Variants in ARHGAP11A observed in about 807,000 individuals in gnomAD.
ARHGAP11A encodes the protein rho GTPase-activating protein 11A.
ARHGAP11A carries 36 observed loss-of-function variants against 60.5 expected under a neutral mutation model. The observed-to-expected ratio is 0.59, with a 90% CI of 0.46 to 0.79. The LOEUF (loss-of-function observed/expected upper bound fraction) is 0.79, where lower values mean the gene tolerates loss of function less well. Among genes scored for constraint, ARHGAP11A ranks in the 30% least tolerant of loss-of-function variants. The pLI, the probability that ARHGAP11A is intolerant of heterozygous loss-of-function variation, is 0.00. For synonymous variants in ARHGAP11A, 362 were observed against 415.5 expected, an observed-to-expected ratio of 0.87 and a Z score of 1.57; for missense variants, 1,071 against 1,199.2, an observed-to-expected ratio of 0.89 and a Z score of 1.58.
chr15:32,635,754 A>G (rs768194623), intron 10 of ARHGAP11A, 23 bp from the exon 11 acceptor site: 5 of 1,479,822 alleles, frequency 3.4e-6, no homozygotes, highest in Non-Finnish European at 4.5e-6. Flanking sequence ...TTTCTTAACT[A>G]AAACTTTTTT....
chr15:32,637,329 C>G lies in ARHGAP11A; in HGVS notation c.2556C>G (p.Ser852Arg). 3.7e-6 allele frequency: 6 copies of G among 1,614,192 alleles called. No individual in the cohort carries two copies. Among genetic ancestry groups the G allele is most frequent in the Non-Finnish European group, 5.1e-6 (6 of 1,180,022 alleles). The change falls in exon 12 of 12, where the codon AGC (serine) becomes AGG (arginine). Residue 852 changes from serine (S) to arginine (R), a missense_variant. Physicochemically the swap from Ser to Arg is moderately radical, Grantham distance 110. Around this residue, in one of 4 missense-constraint regions of ARHGAP11A, gnomAD observed 776 missense variants for 760.2 expected, o/e 1.02. Transcript: ENST00000361627. ...GAATTAATTCTTTGTTGGAGTATAG[C>G]AGACAACCTACAGGGCATAAGTTGG... ...VRRINSLLEY[S>R]RQPTGHKLAS...
At chr15:32,623,861 C>A (rs1008363226) in intron 3 of ARHGAP11A, among the ~76,000 whole-genome samples, 1 of 151,914 alleles carries the variant, frequency 6.6e-6, no homozygotes, top group Non-Finnish European at 1.5e-5. Flanking sequence ...TTGTTGTTAG[C>A]CTTCTAGAAG....
chr15:32,624,219 G>A lies in ARHGAP11A; in HGVS notation c.344G>A (p.Cys115Tyr). The A allele has an allele frequency of 6.2e-7, 1 of 1,612,284 alleles. No homozygotes were observed. The highest frequency in any genetic ancestry group is 1.3e-5 in the African/African-American group (1 of 74,734). Residue 115 changes from cysteine to tyrosine, a missense_variant, in exon 4 of 12, where the codon TGT becomes TAT. Coordinates refer to ENST00000361627, the MANE Select transcript of ARHGAP11A (RefSeq NM_014783.6). ...GGTTGCCTATCTTCTGCACCTCCTT[G>A]TGATATTGCGGGACTTCTTAAGCAG... ...GEGCLSSAPP[C>Y]DIAGLLKQFF...
At position 32,638,235 on chromosome 15, in the gene ARHGAP11A, AG is replaced by A. The variant is rs2053770007; in HGVS notation, c.*391del. ...ACTACAGGTGCCCGCCACCACGCCC[AG>A]CTAATTTTTTGTATTTTTAGTAGAG... On this transcript the variant is annotated 3_prime_UTR_variant, in exon 12 of 12. Transcript: ENST00000361627. 6.2e-6 allele frequency: 1 copy of A among 161,948 alleles called. No individual in the cohort carries two copies. The highest frequency in any genetic ancestry group is 6.2e-5 in the Admixed American group (1 of 16,064). The allele number at this position is 161,948 out of a possible 1,614,324, so 10.0% of individuals were successfully genotyped here.
rs2053789291 is a variant in ARHGAP11A, at chr15:32,639,056, G to T, written c.*1211G>T. The T allele has an allele frequency of 6.5e-6, 1 of 152,678 alleles. No homozygotes were observed. Among genetic ancestry groups the T allele is most frequent in the South Asian group, 2.1e-4 (1 of 4,828 alleles). 9.5% of individuals were successfully genotyped at this position (152,678 alleles called of 1,614,324 possible). A position where few individuals can be genotyped will look rare whatever the true frequency, so the allele number is the denominator to read the frequency against. On this transcript the variant is annotated 3_prime_UTR_variant, in exon 12 of 12. Coordinates refer to ENST00000361627, the MANE Select transcript of ARHGAP11A (RefSeq NM_014783.6). ...CTCTCTGGAAAATGACTTGACTAAG[G>T]CTCTCATGAAATTCAAAGTGCCATT...
rs748219310 is a variant in ARHGAP11A at position 32,637,136 on chromosome 15, T to C, written c.2363T>C (p.Leu788Ser). 24 of 1,614,112 alleles carry C rather than the reference T, an allele frequency of 1.5e-5. No homozygotes were observed. Among genetic ancestry groups the C allele is most frequent in the South Asian group, 1.1e-5 (1 of 91,072 alleles). Reference protein sequence around the residue: ...RPMRIAKQQSLETCEKTVSES... With the variant: ...RPMRIAKQQSSETCEKTVSES... Reference sequence around the variant, plus strand: ...ATGAGAATTGCTAAACAGCAGTCATTGGAAACATGTGAGAAAACAGTTTCT... The same window carrying C: ...ATGAGAATTGCTAAACAGCAGTCATCGGAAACATGTGAGAAAACAGTTTCT... The change falls in exon 12 of 12, where the codon TTG (leucine) becomes TCG (serine). Residue 788 changes from leucine (L) to serine (S), a missense_variant. Around this residue, in one of 4 missense-constraint regions of ARHGAP11A, gnomAD observed 776 missense variants for 760.2 expected, o/e 1.02. Coordinates refer to ENST00000361627, the MANE Select transcript of ARHGAP11A (RefSeq NM_014783.6).
chr15:32,635,939 A>G lies in ARHGAP11A; in HGVS notation c.1483+24A>G, dbSNP rs774072580. 4 of 1,563,748 alleles carry G rather than the reference A, an allele frequency of 2.6e-6. No individual in the cohort carries two copies. In the East Asian group the frequency reaches 6.9e-5, roughly 27 times the overall value. On this transcript the variant is annotated intron_variant, in intron 11 of 11. Transcript: ENST00000361627. ...AGGTACATTTACATACTACTGTTAG[A>G]GTTTTACCTAAAAATCCTGCTTTAG...
intron 10 of ARHGAP11A, among the ~76,000 whole-genome samples, chr15:32,635,565 T>C (rs1245198106): frequency 6.6e-6 from 1 of 152,186 alleles, no homozygotes. Flanking sequence ...GTTTTAAAAA[T>C]AGATCATAAA....
rs143960378 is a variant in ARHGAP11A, at chr15:32,625,490, G to A, written c.719G>A (p.Arg240His). The A allele has an allele frequency of 7.3e-5, 118 of 1,613,890 alleles. No individual in the cohort carries two copies. Among genetic ancestry groups the A allele is most frequent in the African/African-American group, 7.2e-4 (54 of 75,030 alleles). The change falls in exon 6 of 12, where the codon CGT becomes CAT. Residue 240 changes from arginine to histidine, a missense_variant. Transcript: ENST00000361627. ...ACTTGTGAACATTTTCATTTAGGGC[G>A]TGTACCAGATTTTATCCTGGAAAAG... Reference protein sequence around the residue: ...TLIDYASDIGRVPDFILEKIP... With the variant: ...TLIDYASDIGHVPDFILEKIP...
At chr15:32,616,473 G>A (rs2053151258) in intron 1 of ARHGAP11A, 133 bp downstream of exon 1, 10 of 1,355,720 alleles carry the variant, frequency 7.4e-6, no homozygotes, top group African/African-American at 5.9e-5. Flanking sequence ...CAGTTCAGAT[G>A]GTCGATTGCT....
intron 1 of ARHGAP11A, among the ~76,000 whole-genome samples, chr15:32,618,484 C>T (rs1241223454): frequency 6.6e-6 from 1 of 152,130 alleles, no homozygotes; most frequent in African/African-American, 2.4e-5. Context: ...TTTTTGAATG[C>T]TTACTGTGTG....
Position 32,636,462 on chromosome 15 carries a change from A to T in ARHGAP11A, c.1689A>T (p.Ser563=), listed in dbSNP as rs373006108. Residue 563 remains serine, a synonymous_variant, in exon 12 of 12, where the codon TCA becomes TCT. Transcript: ENST00000361627. ...DIMVEKSPAT[S]CELTPSNLNN... ...TGGTAGAAAAGTCACCTGCTACTTC[A>T]TGTGAACTCACCCCTTCCAATTTAA... The T allele has an allele frequency of 6.2e-7, 1 of 1,613,826 alleles. No individual in the cohort carries two copies. The highest frequency in any genetic ancestry group is 1.3e-5 in the African/African-American group (1 of 74,906).
chr15:32,632,839 T>TTA (rs2053615361), intron 8 of ARHGAP11A, 140 bp from the exon 9 acceptor site: 1 of 800,278 alleles, frequency 1.2e-6, no homozygotes, highest in Non-Finnish European at 1.8e-6. Flanking sequence ...ACACTTGAAG[T>TTA]TTCTAACCAG....
intron 6 of ARHGAP11A, among the ~76,000 whole-genome samples, chr15:32,627,589 C>T (rs887438705): frequency 1.4e-4 from 22 of 151,806 alleles, no homozygotes; most frequent in Non-Finnish European, 2.8e-4. Context: ...ATTAGCTGGG[C>T]GTGGTGGCGG....
chr15:32,636,003 G>C, intron 11 of ARHGAP11A, 88 bp downstream of exon 11: 8 of 1,457,850 alleles, frequency 5.5e-6, no homozygotes, highest in Non-Finnish European at 6.3e-6. Flanking sequence ...TTAATTTACT[G>C]TTCTAGAGAT....
Position 32,632,989 on chromosome 15 carries a change from T to C in ARHGAP11A, c.1116T>C (p.Asp372=), listed in dbSNP as rs749143457. Reference sequence around the variant, plus strand: ...TGGTTATTTTTGTAGTTCACATCGATACAAGCTCAGAAGGGTCATCTCAGA... The same window carrying C: ...TGGTTATTTTTGTAGTTCACATCGACACAAGCTCAGAAGGGTCATCTCAGA... ...SSSTPVSVHI[D]TSSEGSSQSS... The change falls in exon 9 of 12, where the codon GAT becomes GAC. Residue 372 remains aspartate (D), a synonymous_variant. Transcript: ENST00000361627. The C allele has an allele frequency of 5.0e-6, 8 of 1,612,946 alleles. No homozygotes were observed. The South Asian group carries it at 8.8e-5, about 18-fold the overall frequency.
At chr15:32,621,962 A>C (rs1472446624) in intron 2 of ARHGAP11A, among the ~76,000 whole-genome samples, 1 of 152,312 alleles carries the variant, frequency 6.6e-6, no homozygotes, top group East Asian at 1.9e-4. Flanking sequence ...TTTAATTGAC[A>C]TGTCATCCAA....
Position 32,639,450 on chromosome 15 carries a change from A to G in ARHGAP11A, c.*1605A>G, listed in dbSNP as rs1355087102. 2.0e-5 allele frequency: 3 copies of G among 152,260 alleles called. No homozygotes were observed. The East Asian group carries it at 5.8e-4, about 29-fold the overall frequency. 9.4% of individuals were successfully genotyped at this position (152,260 alleles called of 1,614,324 possible). A position where few individuals can be genotyped will look rare whatever the true frequency, so the allele number is the denominator to read the frequency against. On this transcript the variant is annotated 3_prime_UTR_variant, in exon 12 of 12. Coordinates refer to ENST00000361627, the MANE Select transcript of ARHGAP11A (RefSeq NM_014783.6). ...GCATTTCTAATTGTAAGTAGAGACA[A>G]AATATTCATATAGTCAGATATATGT... is the stretch of plus-strand genomic sequence containing the variant.
rs1241829583 is a variant in ARHGAP11A, at chr15:32,636,755, A to T, written c.1982A>T (p.His661Leu). Residue 661 changes from histidine to leucine, a missense_variant, in exon 12 of 12, where the codon CAC (histidine) becomes CTC (leucine). His to Leu is a moderately conservative substitution (Grantham distance 99). Transcript: ENST00000361627. ...IVESKEKYEH[H>L]TGKGEKCFSE... is the part of the protein sequence containing the mutation. ...GAATCAAAGGAGAAATATGAACACC[A>T]CACTGGTAAAGGTGAAAAATGTTTT... 6.2e-7 allele frequency: 1 copy of T among 1,613,342 alleles called. No individual in the cohort carries two copies. The highest frequency in any genetic ancestry group is 8.5e-7 in the Non-Finnish European group (1 of 1,179,908).
Sources: allele counts gnomAD v4.1 joint callset (sites outside exome capture counted in the v4.1 genomes callset), GRCh38; gene constraint gnomAD v4.1.1; regional missense constraint gnomAD v4.1.1; transcripts MANE v1.5; gene names NCBI Gene and HGNC (gene_info 2026-07-23, HGNC 2026-07-21).